LUZP2: variants seen among roughly 807,000 people sequenced by gnomAD.
LUZP2 encodes the protein leucine zipper protein 2.
LUZP2 carries 52 observed loss-of-function variants against 51.6 expected under a neutral mutation model. The observed-to-expected ratio is 1.01, with a 90% CI of 0.81 to 1.27. LUZP2 has a LOEUF of 1.27. LUZP2 is among the 50% of genes most tolerant of loss of function. The pLI is 0.00. For missense variants in LUZP2, 436 were observed against 395.4 expected (o/e 1.10, Z -0.87); for synonymous variants, 154 against 137.3 (o/e 1.12, Z -0.85).
At chr11:24,847,309 C>A (rs1241693154) in intron 5 of LUZP2, among the ~76,000 whole-genome samples, 1 of 151,932 alleles carries the variant, frequency 6.6e-6, no homozygotes, top group Non-Finnish European at 1.5e-5. Context: ...TCACTCATTG[C>A]ATATAGTTGG....
chr11:24,583,284 G>A (rs1852939896), intron 1 of LUZP2, among the ~76,000 whole-genome samples: 1 of 152,004 alleles, frequency 6.6e-6, no homozygotes, highest in Non-Finnish European at 1.5e-5. Context: ...AGCATACAAT[G>A]TGATTTCTTA....
intron 9 of LUZP2, among the ~76,000 whole-genome samples, chr11:24,984,535 T>TAC (rs1482489458): frequency 1.2e-5 from 1 of 84,306 alleles, no homozygotes; most frequent in Non-Finnish European, 2.1e-5. Flanking sequence ...TATATATATA[T>TAC]ATATATATAT....
intron 5 of LUZP2, among the ~76,000 whole-genome samples, chr11:24,826,088 A>G (rs1850522656): frequency 6.7e-6 from 1 of 148,562 alleles, no homozygotes; most frequent in Non-Finnish European, 1.5e-5. Flanking sequence ...AGGCAGGAGA[A>G]TGGCGTGAAC....
At chr11:24,832,958 A>G (rs1850744646) in intron 5 of LUZP2, among the ~76,000 whole-genome samples, 1 of 152,144 alleles carries the variant, frequency 6.6e-6, no homozygotes, top group African/African-American at 2.4e-5. Flanking sequence ...TCAATTCCAT[A>G]TTTAGTCTGA....
At chr11:24,765,433 C>T (rs1860146568) in intron 5 of LUZP2, among the ~76,000 whole-genome samples, 1 of 152,050 alleles carries the variant, frequency 6.6e-6, no homozygotes, top group Admixed American at 6.6e-5. Flanking sequence ...TAAGTCCCTC[C>T]TATGCCTATT....
chr11:24,958,887 G>T (rs1375568354), intron 7 of LUZP2, among the ~76,000 whole-genome samples: 1 of 152,116 alleles, frequency 6.6e-6, no homozygotes, highest in Non-Finnish European at 1.5e-5. Flanking sequence ...ATGGTTTTAG[G>T]TCTAACATTT....
rs1230703349 is a variant in LUZP2, at chr11:25,076,624, AAGGG to A, written c.859-701_859-698del. The stretch of plus-strand genomic sequence containing the variant: ...GAACTAAGGAAGGAATGAAGGAAGG[AAGGG>A]AGGAAGGGAAAAAGAGGGAAGGAAG... On this transcript the variant is annotated intron_variant, in intron 10 of 11. Coordinates refer to ENST00000336930, the MANE Select transcript of LUZP2 (RefSeq NM_001009909.4). 4.4e-5 allele frequency among the ~76,000 whole-genome samples: 6 copies of A among 137,602 alleles called. No individual in the cohort carries two copies. In the East Asian group the frequency reaches 7.3e-4, roughly 17 times the overall value. 90.3% of individuals were successfully genotyped at this position (137,602 alleles called of 152,430 possible).
At chr11:25,034,316 G>A (rs527900864) in intron 9 of LUZP2, among the ~76,000 whole-genome samples, 119 of 152,116 alleles carry the variant, frequency 7.8e-4, no homozygotes, top group African/African-American at 2.8e-3. Context: ...ATAGATTCTG[G>A]ATATTAGGCC....
intron 5 of LUZP2, among the ~76,000 whole-genome samples, chr11:24,864,123 T>A (rs980194276): frequency 2.0e-5 from 3 of 152,178 alleles, no homozygotes; most frequent in African/African-American, 2.4e-5. Flanking sequence ...TTTCAAATAT[T>A]TGTTCCCCAA....
chr11:24,632,926 G>T (rs1042068838), intron 1 of LUZP2, among the ~76,000 whole-genome samples: 2 of 151,966 alleles, frequency 1.3e-5, no homozygotes, highest in Non-Finnish European at 2.9e-5. Context: ...AATGTATTAA[G>T]AAATGATATG....
At chr11:24,738,012 T>A (rs1393436476) in intron 3 of LUZP2, among the ~76,000 whole-genome samples, 1 of 151,362 alleles carries the variant, frequency 6.6e-6, no homozygotes, top group African/African-American at 2.5e-5. Flanking sequence ...TAAAAAAAAA[T>A]CAACTTGCTT....
intron 1 of LUZP2, among the ~76,000 whole-genome samples, chr11:24,666,013 T>G (rs569002696): frequency 9.8e-5 from 15 of 152,344 alleles, no homozygotes; most frequent in Non-Finnish European, 2.2e-4. Flanking sequence ...GTAATTTTAC[T>G]GATGCAGGTA....
chr11:24,955,734 G>A (rs1327658254), intron 7 of LUZP2, among the ~76,000 whole-genome samples: 2 of 151,900 alleles, frequency 1.3e-5, no homozygotes, highest in South Asian at 2.1e-4. Flanking sequence ...TATTATCGGC[G>A]TACCTTGGGT....
At chr11:24,570,574 C>T (rs1326767879) in intron 1 of LUZP2, among the ~76,000 whole-genome samples, 1 of 151,996 alleles carries the variant, frequency 6.6e-6, no homozygotes, top group African/African-American at 2.4e-5. Context: ...CACACTGGGG[C>T]ATGTCCAGAA....
At chr11:24,663,996 G>A (rs1166333893) in intron 1 of LUZP2, among the ~76,000 whole-genome samples, 2 of 152,098 alleles carry the variant, frequency 1.3e-5, no homozygotes, top group Non-Finnish European at 2.9e-5. Context: ...TGTCTTCATT[G>A]CAACATAAAA....
chr11:24,676,321 G>GA (rs1207797137), intron 1 of LUZP2, among the ~76,000 whole-genome samples: 2 of 152,056 alleles, frequency 1.3e-5, no homozygotes, highest in Admixed American at 6.6e-5. Flanking sequence ...TGTAGCTTCG[G>GA]AAAAATCAAA....
intron 1 of LUZP2, among the ~76,000 whole-genome samples, chr11:24,666,975 A>T (rs1856234049): frequency 6.6e-6 from 1 of 152,140 alleles, no homozygotes; most frequent in South Asian, 2.1e-4. Context: ...TGCATTGTGT[A>T]TGTCACCTAA....
At chr11:24,548,596 A>G (rs1281867740) in intron 1 of LUZP2, among the ~76,000 whole-genome samples, 1 of 151,990 alleles carries the variant, frequency 6.6e-6, no homozygotes, top group East Asian at 1.9e-4. Context: ...ACTACCTGTC[A>G]GGTACTATGC....
intron 1 of LUZP2, among the ~76,000 whole-genome samples, chr11:24,711,379 G>A (rs1023641810): frequency 3.9e-5 from 6 of 152,094 alleles, no homozygotes; most frequent in East Asian, 3.9e-4. Flanking sequence ...GAACCCGGGA[G>A]GCGGAGCTTG....
Sources: gnomAD v4.1 joint callset for allele counts (sites outside exome capture counted in the v4.1 genomes callset) on GRCh38, gnomAD v4.1.1 for gene constraint, MANE v1.5 for transcripts, NCBI Gene and HGNC (gene_info 2026-07-23, HGNC 2026-07-21) for gene names.